The following CYP4F22 variants were observed in gnomAD, a reference collection of about 807,000 sequenced individuals.
CYP4F22 encodes the protein ultra-long-chain fatty acid omega-hydroxylase.
Under a neutral mutation model 60.4 loss-of-function variants are expected in CYP4F22, and 37 were observed. The observed-to-expected ratio is 0.61, with a 90% CI of 0.47 to 0.81. CYP4F22 has a LOEUF of 0.81. CYP4F22 is among the 30% of genes least tolerant of loss of function. CYP4F22 has a pLI of 0.00. For synonymous variants in CYP4F22, 258 were observed against 280.5 expected (o/e 0.92, Z 0.80); for missense variants, 655 against 715.0 (o/e 0.92, Z 0.96).
intron 4 of CYP4F22, among the ~76,000 whole-genome samples, chr19:15,536,466 A>C (rs1046248914): frequency 1.3e-5 from 2 of 152,140 alleles, no homozygotes; most frequent in African/African-American, 2.4e-5. Flanking sequence ...ATGGGCTGGT[A>C]TGTGAGGGTG....
In CYP4F22 at chr19:15,551,392, T is replaced by TG; in HGVS notation, c.1518dup (p.Arg507AlafsTer73). 6.2e-7 allele frequency: 1 copy of TG among 1,608,292 alleles called. No homozygotes were observed. Among genetic ancestry groups the TG allele is most frequent in the Non-Finnish European group, 8.5e-7 (1 of 1,177,404 alleles). ...CTGAGCGTGGACCGAACGCGCAAGG[T>TG]GCGGCGGAAGCCGGAGCTCATACTG... On this transcript the variant is annotated frameshift_variant, in exon 14 of 14. Transcript: ENST00000269703. LOFTEE classifies it high-confidence loss of function.
intron 7 of CYP4F22, among the ~76,000 whole-genome samples, chr19:15,540,047 T>A (rs2144531847): frequency 6.6e-6 from 1 of 152,354 alleles, no homozygotes; most frequent in African/African-American, 2.4e-5. Flanking sequence ...AAATATTTTC[T>A]CCCATGCTGA....
rs768181440 is a variant in CYP4F22, at chr19:15,540,664, A to C, written c.886A>C (p.Lys296Gln). The change falls in exon 8 of 14, where the codon AAG becomes CAG. Residue 296 changes from lysine (K) to glutamine (Q), a missense_variant. Around this residue, in one of 3 missense-constraint regions of CYP4F22, gnomAD observed 430 missense variants for 457.1 expected, o/e 0.94. Coordinates refer to ENST00000269703, the MANE Select transcript of CYP4F22 (RefSeq NM_173483.4). ...LRQQGAEAWL[K>Q]AKQGKTLDFI... is the part of the protein sequence containing the mutation. ...TCAGCAGGGGGCCGAGGCCTGGCTTAAGGCCAAGCAGGGGAAGACCTTGGA... is the reference window on the plus strand; with the variant it reads ...TCAGCAGGGGGCCGAGGCCTGGCTTCAGGCCAAGCAGGGGAAGACCTTGGA... The C allele has an allele frequency of 6.2e-7, 1 of 1,613,666 alleles. No homozygotes were observed. The highest frequency in any genetic ancestry group is 8.5e-7 in the Non-Finnish European group (1 of 1,179,944).
intron 3 of CYP4F22, among the ~76,000 whole-genome samples, chr19:15,527,343 C>T (rs141774197): frequency 6.6e-6 from 1 of 152,316 alleles, no homozygotes; most frequent in African/African-American, 2.4e-5. Context: ...TCACTTGTTC[C>T]ACCATCCCTC....
intron 1 of CYP4F22, among the ~76,000 whole-genome samples, chr19:15,517,336 G>C (rs1182737000): frequency 6.6e-6 from 1 of 152,232 alleles, no homozygotes; most frequent in East Asian, 1.9e-4. Context: ...GGCTTCCAGA[G>C]AGTGTCCCAA....
chr19:15,509,082 G>A (rs1028245741), intron 1 of CYP4F22, among the ~76,000 whole-genome samples: 1 of 152,122 alleles, frequency 6.6e-6, no homozygotes, highest in Admixed American at 6.6e-5. Context: ...ACTGCTATCA[G>A]GAACCCTCTG....
At chr19:15,546,190 G>A (rs972922360) in intron 10 of CYP4F22, among the ~76,000 whole-genome samples, 1 of 152,126 alleles carries the variant, frequency 6.6e-6, no homozygotes, top group Non-Finnish European at 1.5e-5. Context: ...TGCCCAGGCT[G>A]CTCTCAAATC....
intron 1 of CYP4F22, among the ~76,000 whole-genome samples, chr19:15,512,462 T>A (rs917725235): frequency 4.6e-5 from 7 of 152,160 alleles, no homozygotes; most frequent in African/African-American, 1.7e-4. Flanking sequence ...TCCACCACCA[T>A]GCCCAGCTAT....
intron 1 of CYP4F22, among the ~76,000 whole-genome samples, chr19:15,514,501 G>T (rs1281987820): frequency 6.6e-6 from 1 of 152,190 alleles, no homozygotes; most frequent in East Asian, 1.9e-4. Context: ...GCCTGGCCAA[G>T]ATGGTGAAAC....
At position 15,540,624 on chromosome 19, in the gene CYP4F22, G is replaced by C; in HGVS notation, c.846G>C (p.Arg282=). ...TCACCACTGAAGTCATCCAGGAACG[G>C]CGGCGGGCACTGCGTCAGCAGGGGG... ...HHFTTEVIQE[R]RRALRQQGAE... Residue 282 remains arginine (R), a synonymous_variant, in exon 8 of 14, where the codon CGG becomes CGC. Coordinates refer to ENST00000269703, the MANE Select transcript of CYP4F22 (RefSeq NM_173483.4). The C allele has an allele frequency of 6.2e-7, 1 of 1,614,254 alleles. No homozygotes were observed. Among genetic ancestry groups the C allele is most frequent in the South Asian group, 1.1e-5 (1 of 91,092 alleles).
At chr19:15,518,036 T>C (rs925144965) in intron 1 of CYP4F22, among the ~76,000 whole-genome samples, 13 of 152,074 alleles carry the variant, frequency 8.5e-5, no homozygotes, top group Admixed American at 4.6e-4. Context: ...TTGTGGTCCA[T>C]GACAAAAAGT....
chr19:15,525,512 T>C lies in CYP4F22; in HGVS notation c.176T>C (p.Phe59Ser). The C allele has an allele frequency of 1.2e-6, 2 of 1,612,356 alleles. No individual in the cohort carries two copies. Among genetic ancestry groups the C allele is most frequent in the Non-Finnish European group, 1.7e-6 (2 of 1,179,864 alleles). ...FYITCRRLRC[F>S]PQPPRRNWLL... ...ATCACCTGCCGCCGGCTGCGCTGCT[T>C]CCCCCAGCCTCCCCGGCGCAACTGG... The change falls in exon 3 of 14, where the codon TTC becomes TCC. Residue 59 changes from phenylalanine to serine, a missense_variant. This residue lies in a region of CYP4F22 where 430 missense variants were observed against 457.1 expected (regional missense o/e 0.94). Transcript: ENST00000269703.
chr19:15,545,418 G>C (rs932408614), intron 10 of CYP4F22, among the ~76,000 whole-genome samples: 9 of 151,796 alleles, frequency 5.9e-5, no homozygotes, highest in South Asian at 2.1e-4. Flanking sequence ...GAGGCCGAGG[G>C]GGGTGGATTG....
intron 10 of CYP4F22, among the ~76,000 whole-genome samples, chr19:15,547,018 G>GATTTTTTT (rs1971533587): frequency 1.2e-5 from 1 of 82,330 alleles, no homozygotes; most frequent in Non-Finnish European, 2.1e-5. Flanking sequence ...GCCTGCACCA[G>GATTTTTTT]TTTTTTTTTT....
chr19:15,532,804 A>G (rs1446360380), intron 4 of CYP4F22, among the ~76,000 whole-genome samples: 1 of 152,120 alleles, frequency 6.6e-6, no homozygotes, highest in Non-Finnish European at 1.5e-5. Flanking sequence ...AGGGGCTGTC[A>G]TGTAGTAGAT....
intron 1 of CYP4F22, among the ~76,000 whole-genome samples, chr19:15,515,925 A>G (rs974190818): frequency 1.3e-5 from 2 of 151,874 alleles, no homozygotes; most frequent in African/African-American, 2.4e-5. Flanking sequence ...GGGTTTCACC[A>G]TGTTAGCCAG....
chr19:15,538,045 T>C, intron 7 of CYP4F22, 52 bp downstream of exon 7: 1 of 1,611,784 alleles, frequency 6.2e-7, no homozygotes, highest in Non-Finnish European at 8.5e-7. Context: ...AGGAGCAAGA[T>C]GGTGGCAGGA....
intron 3 of CYP4F22, among the ~76,000 whole-genome samples, chr19:15,527,918 G>T (rs1289298762): frequency 1.3e-5 from 2 of 152,186 alleles, no homozygotes; most frequent in East Asian, 1.9e-4. Context: ...TCACACAGCC[G>T]CTGAGGGTGG....
chr19:15,528,898 TTGATAAATG>T (rs1013550055), intron 3 of CYP4F22, among the ~76,000 whole-genome samples: 7 of 152,178 alleles, frequency 4.6e-5, no homozygotes, highest in Non-Finnish European at 1.0e-4. Context: ...TAGCAAGTAC[TTGATAAATG>T]CCAACCATGA....
Sources: gnomAD v4.1 joint callset for allele counts (sites outside exome capture counted in the v4.1 genomes callset) on GRCh38, gnomAD v4.1.1 for gene constraint, gnomAD v4.1.1 regional missense constraint, MANE v1.5 for transcripts, NCBI Gene and HGNC (gene_info 2026-07-23, HGNC 2026-07-21) for gene names.